The following NUS1 variants were observed in gnomAD, a reference collection of about 807,000 sequenced individuals.
The protein encoded by NUS1 is NUS1 dehydrodolichyl diphosphate synthase subunit.
For synonymous variants in NUS1, 135 were observed against 155.2 expected, an observed-to-expected ratio of 0.87 and a Z score of 0.97; for missense variants, 292 against 382.9, an observed-to-expected ratio of 0.76 and a Z score of 1.98.
chr6:117,684,544 T>C (rs1773108498), intron 1 of NUS1, among the ~76,000 whole-genome samples: 1 of 152,168 alleles, frequency 6.6e-6, no homozygotes, highest in African/African-American at 2.4e-5. Context: ...ACCAGCGAGG[T>C]GATCTTTTTT....
In NUS1 at chr6:117,675,736, C is replaced by T; in HGVS notation, c.66C>T (p.Leu22=). The change falls in exon 1 of 5, where the codon CTC becomes CTT. Residue 22 remains leucine (L), a synonymous_variant. Coordinates refer to ENST00000368494, the MANE Select transcript of NUS1 (RefSeq NM_138459.5). ...CGCTGCTCTGTCTGCACCGCACGCT[C>T]ACCTCCTGGCTCCGCGTTCGGTTCG... ...LHALLCLHRT[L]TSWLRVRFGT... 6.5e-7 allele frequency: 1 copy of T among 1,539,960 alleles called. No homozygotes were observed. The highest frequency in any genetic ancestry group is 8.7e-7 in the Non-Finnish European group (1 of 1,146,186).
chr6:117,684,830 T>C (rs1352461555), intron 1 of NUS1, among the ~76,000 whole-genome samples: 1 of 152,180 alleles, frequency 6.6e-6, no homozygotes, highest in Non-Finnish European at 1.5e-5. Context: ...AAACTTTTTG[T>C]TTAATACAGT....
intron 1 of NUS1, among the ~76,000 whole-genome samples, chr6:117,684,046 C>T (rs765676296): frequency 6.6e-6 from 1 of 152,164 alleles, no homozygotes; most frequent in Non-Finnish European, 1.5e-5. Flanking sequence ...GTGGCTTCTC[C>T]TCTGTTGTAC....
At chr6:117,679,285 A>G (rs1445087135) in intron 1 of NUS1, among the ~76,000 whole-genome samples, 4 of 152,210 alleles carry the variant, frequency 2.6e-5, no homozygotes, top group Non-Finnish European at 5.9e-5. Context: ...TCAAAAAGAT[A>G]GAATTGGGAT....
intron 3 of NUS1, among the ~76,000 whole-genome samples, chr6:117,699,220 A>G (rs1773364489): frequency 6.6e-6 from 1 of 152,158 alleles, no homozygotes. Flanking sequence ...TTTGCAGATG[A>G]TCTGATCTCA....
In NUS1 at chr6:117,694,039, T is replaced by G; in HGVS notation, c.550T>G (p.Cys184Gly). Residue 184 changes from cysteine to glycine, a missense_variant, in exon 3 of 5, where the codon TGC (cysteine) becomes GGC (glycine). Physicochemically the swap from Cys to Gly is radical, Grantham distance 159. Coordinates refer to ENST00000368494, the MANE Select transcript of NUS1 (RefSeq NM_138459.5). ...TTTGTTTTTTCTTCCAGTTTTAAAT[T>G]GCCATTTGGCAGTGAAGGTGCTGTC... is the stretch of plus-strand genomic sequence containing the variant. ...SNDKDDQVLN[C>G]HLAVKVLSPE... is the part of the protein sequence containing the mutation. 6.2e-7 allele frequency: 1 copy of G among 1,602,410 alleles called. No individual in the cohort carries two copies. The highest frequency in any genetic ancestry group is 8.5e-7 in the Non-Finnish European group (1 of 1,175,266).
Position 117,707,426 on chromosome 6 carries a change from CCTT to C in NUS1, c.*415_*417del, listed in dbSNP as rs1354845855. The C allele has an allele frequency of 6.1e-6, 1 of 163,836 alleles. No homozygotes were observed. Among genetic ancestry groups the C allele is most frequent in the African/African-American group, 2.6e-5 (1 of 38,152 alleles). 10.1% of individuals were successfully genotyped at this position (163,836 alleles called of 1,614,324 possible). ...GGGAGGGGAATAATTTTTGTTCAGT[CCTT>C]CTTAGTGACCAAACTTTAATTTTTA... On this transcript the variant is annotated 3_prime_UTR_variant, in exon 5 of 5. Transcript: ENST00000368494.
intron 3 of NUS1, among the ~76,000 whole-genome samples, chr6:117,696,496 A>T (rs1319318856): frequency 1.3e-5 from 2 of 149,934 alleles, no homozygotes; most frequent in Admixed American, 6.7e-5. Context: ...TCAAGGATTT[A>T]AAAAAAAAAT....
intron 1 of NUS1, among the ~76,000 whole-genome samples, chr6:117,692,014 A>G (rs997202332): frequency 1.3e-4 from 20 of 152,080 alleles, no homozygotes; most frequent in Admixed American, 1.2e-3. Context: ...GAATCCATAG[A>G]ATGGACACAT....
chr6:117,701,253 T>C (rs1773404068), intron 3 of NUS1, among the ~76,000 whole-genome samples: 1 of 149,788 alleles, frequency 6.7e-6, no homozygotes. Context: ...TTCTTTTTTT[T>C]TTTTTTTTTG....
chr6:117,698,235 A>G (rs1385880478), intron 3 of NUS1, among the ~76,000 whole-genome samples: 1 of 152,082 alleles, frequency 6.6e-6, no homozygotes. Flanking sequence ...AAGATAAAAA[A>G]TTTGGTGGTG....
chr6:117,678,838 C>T (rs1303841523), intron 1 of NUS1, among the ~76,000 whole-genome samples: 3 of 152,046 alleles, frequency 2.0e-5, no homozygotes, highest in African/African-American at 7.2e-5. Context: ...CGCGCCACCC[C>T]GCCCTGCTAA....
In NUS1 at chr6:117,710,147, T is replaced by C. The variant is rs1207942567; in HGVS notation, c.*3132T>C. ...CTTTTAAAAAGGAATTTGATAGTTC[T>C]TGTCAAATGAGAAAATTTAAAGGTA... On this transcript the variant is annotated 3_prime_UTR_variant, in exon 5 of 5. Transcript: ENST00000368494. 6.6e-6 allele frequency: 1 copy of C among 152,184 alleles called. No individual in the cohort carries two copies. The highest frequency in any genetic ancestry group is 2.4e-5 in the African/African-American group (1 of 41,466). The allele number at this position is 152,184 out of a possible 1,614,324, so 9.4% of individuals were successfully genotyped here. A position where few individuals can be genotyped will look rare whatever the true frequency, so the allele number is the denominator to read the frequency against.
rs182442967 is a variant in NUS1, at chr6:117,680,690, C to T, written c.415+4605C>T. Among the ~76,000 whole-genome samples the T allele has an allele frequency of 3.7e-4, 57 of 152,250 alleles. 1 individual carries two copies. The highest frequency in any genetic ancestry group is 1.4e-3 in the African/African-American group (56 of 41,478). Reference sequence around the variant, plus strand: ...ACACAGATCAAAGGATACTCTGCTACTTGCCTTACATTAGATTATTTATAT... The same window carrying T: ...ACACAGATCAAAGGATACTCTGCTATTTGCCTTACATTAGATTATTTATAT... On this transcript the variant is annotated intron_variant, in intron 1 of 4. Transcript: ENST00000368494.
intron 1 of NUS1, among the ~76,000 whole-genome samples, chr6:117,685,861 T>A (rs1287049181): frequency 6.6e-6 from 1 of 151,934 alleles, no homozygotes; most frequent in African/African-American, 2.4e-5. Flanking sequence ...AAAAGAGCTC[T>A]GGAGTCAGGA....
At chr6:117,688,981 C>T (rs973019005) in intron 1 of NUS1, among the ~76,000 whole-genome samples, 2 of 151,924 alleles carry the variant, frequency 1.3e-5, no homozygotes, top group Non-Finnish European at 2.9e-5. Flanking sequence ...AAAGAAGGAC[C>T]ACATGGACAG....
At chr6:117,676,595 A>C (rs757847870) in intron 1 of NUS1, among the ~76,000 whole-genome samples, 1 of 152,218 alleles carries the variant, frequency 6.6e-6, no homozygotes, top group Non-Finnish European at 1.5e-5. Flanking sequence ...GTAAATAAAT[A>C]AATAAAAATA....
At chr6:117,691,589 TTCAAAA>T in intron 1 of NUS1, among the ~76,000 whole-genome samples, 1 of 130,854 alleles carries the variant, frequency 7.6e-6, no homozygotes, top group East Asian at 2.3e-4. Flanking sequence ...ATATATATAG[TTCAAAA>T]TATATATTCA....
Position 117,708,885 on chromosome 6 carries a change from C to T in NUS1, c.*1870C>T, listed in dbSNP as rs1276613675. On this transcript the variant is annotated 3_prime_UTR_variant, in exon 5 of 5. Coordinates refer to ENST00000368494, the MANE Select transcript of NUS1 (RefSeq NM_138459.5). ...CCTGATTAAAATGAAGGGATTTAAT[C>T]GTTGTTAAAGTTAAGTTAGTCAAAT... 4.6e-5 allele frequency: 7 copies of T among 151,944 alleles called. No individual in the cohort carries two copies. Among genetic ancestry groups the T allele is most frequent in the African/African-American group, 1.7e-4 (7 of 41,478 alleles). The allele number at this position is 151,944 out of a possible 1,614,324, so 9.4% of individuals were successfully genotyped here.
Sources: gnomAD v4.1 joint callset for allele counts (sites outside exome capture counted in the v4.1 genomes callset) on GRCh38, gnomAD v4.1.1 for gene constraint, MANE v1.5 for transcripts, NCBI Gene and HGNC (gene_info 2026-07-23, HGNC 2026-07-21) for gene names.